RDX: variants seen among roughly 807,000 people sequenced by gnomAD.
RDX encodes radixin.
A neutral mutation model predicts 83.7 loss-of-function variants in RDX; 32 were observed. That is an observed-to-expected ratio of 0.38 (90% confidence interval 0.29 to 0.51). The LOEUF (loss-of-function observed/expected upper bound fraction) is 0.51, where lower values mean the gene tolerates loss of function less well. RDX is among the 20% of genes least tolerant of loss of function. RDX has a pLI of 0.87. For synonymous variants in RDX, 229 were observed against 222.7 expected (o/e 1.03, Z -0.25); for missense variants, 600 against 689.9 (o/e 0.87, Z 1.46).
intron 5 of RDX, among the ~76,000 whole-genome samples, chr11:110,263,709 T>TAAAAAA (rs986024653): frequency 6.8e-6 from 1 of 147,392 alleles, no homozygotes; most frequent in Non-Finnish European, 1.5e-5. Flanking sequence ...AAAAATACAT[T>TAAAAAA]AAAAAAAAAA....
At chr11:110,215,011 T>A (rs989839367) in intron 14 of RDX, among the ~76,000 whole-genome samples, 41 of 99,526 alleles carry the variant, frequency 4.1e-4, no homozygotes, top group South Asian at 6.4e-4. Context: ...ATGAAAAAAA[T>A]AAAAAAAACA....
rs113305504 is a variant in RDX, at chr11:110,181,331, T to A, written c.*32-6097A>T. The stretch of plus-strand genomic sequence containing the variant: ...GCACCCGCCACCACGCCCAGCTGAT[T>A]TTTTGTATTTTTAGTAGAGACGGGG... On this transcript the variant is annotated intron_variant, in intron 15 of 15. Transcript: ENST00000528498. Among the ~76,000 whole-genome samples, 296 of 152,148 alleles carry A rather than the reference T, an allele frequency of 1.9e-3. 1 individual carries two copies. Among genetic ancestry groups the A allele is most frequent in the African/African-American group, 6.9e-3 (285 of 41,516 alleles).
chr11:110,241,405 T>C (rs1865094447), intron 10 of RDX, among the ~76,000 whole-genome samples: 1 of 152,112 alleles, frequency 6.6e-6, no homozygotes, highest in South Asian at 2.1e-4. Context: ...TAAGCAATTC[T>C]CCTGCCTCAG....
chr11:110,208,758 A>G (rs1231752716), intron 14 of RDX, among the ~76,000 whole-genome samples: 1 of 152,164 alleles, frequency 6.6e-6, no homozygotes, highest in Non-Finnish European at 1.5e-5. Flanking sequence ...GGAGTTCAAG[A>G]CCACCCTGGC....
At chr11:110,184,115 C>T (rs1305723825) in intron 15 of RDX, among the ~76,000 whole-genome samples, 2 of 152,186 alleles carry the variant, frequency 1.3e-5, no homozygotes, top group African/African-American at 2.4e-5. Context: ...AGAGGGAGCA[C>T]GTGAGAGCCC....
At chr11:110,178,503 G>A (rs1030433786) in intron 15 of RDX, among the ~76,000 whole-genome samples, 4 of 152,186 alleles carry the variant, frequency 2.6e-5, no homozygotes, top group South Asian at 4.1e-4. Flanking sequence ...GGAGATCACC[G>A]TCTAAGTCAG....
intron 1 of RDX, among the ~76,000 whole-genome samples, chr11:110,285,671 C>A (rs1279069527): frequency 1.4e-5 from 2 of 145,972 alleles, no homozygotes; most frequent in Non-Finnish European, 3.0e-5. Flanking sequence ...TGAGATCACA[C>A]CACTACACTT....
At chr11:110,186,181 G>T (rs1396565432) in intron 15 of RDX, among the ~76,000 whole-genome samples, 3 of 152,180 alleles carry the variant, frequency 2.0e-5, no homozygotes, top group African/African-American at 7.2e-5. Context: ...GGCAATTCAC[G>T]CGTGAAGAAA....
At chr11:110,195,413 T>A (rs1313853318) in intron 15 of RDX, 2 of 152,264 alleles carry the variant, frequency 1.3e-5, no homozygotes, top group Admixed American at 6.5e-5. Context: ...GCTCTGCCAC[T>A]GAACTCTCCT....
chr11:110,199,095 A>G (rs1432857922), intron 15 of RDX, among the ~76,000 whole-genome samples: 1 of 152,152 alleles, frequency 6.6e-6, no homozygotes, highest in East Asian at 1.9e-4. Context: ...GATTATAGGC[A>G]TGAGCTACCG....
At chr11:110,212,088 C>G (rs1463943667) in intron 14 of RDX, among the ~76,000 whole-genome samples, 1 of 137,944 alleles carries the variant, frequency 7.2e-6, no homozygotes, top group East Asian at 2.2e-4. Context: ...AGACCGCTAG[C>G]AAGACTAATA....
In RDX at chr11:110,199,716, G is replaced by A. The variant is rs762436268; in HGVS notation, c.1749-38C>T. On this transcript the variant is annotated intron_variant, in intron 14 of 15. Transcript: ENST00000528498. ...ACATTAAGAGATTAGAAAGCATTTA[G>A]CAAAAGAACACAGTAGGAAGCTGAA... 5.8e-5 allele frequency: 41 copies of A among 702,848 alleles called. No individual in the cohort carries two copies. The Admixed American group carries it at 8.0e-4, about 14-fold the overall frequency. The allele number at this position is 702,848 out of a possible 1,614,324, so 43.5% of individuals were successfully genotyped here. A position where few individuals can be genotyped will look rare whatever the true frequency, so the allele number is the denominator to read the frequency against.
intron 3 of RDX, 78 bp downstream of exon 3, chr11:110,272,458 C>A: frequency 1.0e-6 from 1 of 967,070 alleles, no homozygotes; most frequent in Non-Finnish European, 1.6e-6. Context: ...AGCAAAAGTA[C>A]AGAAAAACAG....
intron 2 of RDX, among the ~76,000 whole-genome samples, chr11:110,277,148 A>G (rs12226901): frequency 0.43 from 65,623 of 151,988 alleles, 14,289 homozygotes; most frequent in East Asian, 0.51. Flanking sequence ...ATCCAACTGC[A>G]TATAATTTTG....
In RDX at chr11:110,211,659, T is replaced by G. The variant is rs1409854112; in HGVS notation, c.1749-11981A>C. Reference sequence around the variant, plus strand: ...CTCTCAGACCACAGTGCAATCAAACTAGAACTCAGGATTAAGAATCTCACT... The same window carrying G: ...CTCTCAGACCACAGTGCAATCAAACGAGAACTCAGGATTAAGAATCTCACT... On this transcript the variant is annotated intron_variant, in intron 14 of 15. Transcript: ENST00000528498. 7.0e-5 allele frequency among the ~76,000 whole-genome samples: 10 copies of G among 143,192 alleles called. No homozygotes were observed. In the East Asian group the frequency reaches 1.0e-3, roughly 15 times the overall value. 93.9% of individuals were successfully genotyped at this position (143,192 alleles called of 152,430 possible).
intron 15 of RDX, among the ~76,000 whole-genome samples, chr11:110,180,417 C>G (rs1862863319): frequency 6.6e-6 from 1 of 152,204 alleles, no homozygotes; most frequent in African/African-American, 2.4e-5. Flanking sequence ...TCTTCCCCTC[C>G]TCTCCAGGCC....
chr11:110,190,292 T>C (rs1386413008), intron 15 of RDX, among the ~76,000 whole-genome samples: 1 of 151,842 alleles, frequency 6.6e-6, no homozygotes, highest in Admixed American at 6.6e-5. Context: ...ATACAAAAAT[T>C]AGACGGGCAT....
At chr11:110,289,384 CTG>C (rs1182079548) in intron 1 of RDX, among the ~76,000 whole-genome samples, 1 of 151,986 alleles carries the variant, frequency 6.6e-6, no homozygotes, top group East Asian at 1.9e-4. Context: ...TTAATGATAA[CTG>C]TAATTACCAT....
chr11:110,188,296 AAATAATAATAATAATAATAAT>A (rs34384486), intron 15 of RDX, among the ~76,000 whole-genome samples: 1 of 142,482 alleles, frequency 7.0e-6, no homozygotes, highest in Non-Finnish European at 1.5e-5. Flanking sequence ...CTCTGTCTCA[AAATAATAATAATAATAATAAT>A]AATAATAATA....
Sources: allele counts gnomAD v4.1 joint callset (sites outside exome capture counted in the v4.1 genomes callset), GRCh38; gene constraint gnomAD v4.1.1; transcripts MANE v1.5; gene names NCBI Gene and HGNC (gene_info 2026-07-23, HGNC 2026-07-21).